The following VPS13C variants were observed in gnomAD, a reference collection of about 807,000 sequenced individuals.
VPS13C encodes intermembrane lipid transfer protein VPS13C.
In VPS13C, 358 loss-of-function variants were observed where a neutral mutation model predicts 456.8. The ratio of observed to expected loss-of-function variants is 0.78; its 90% CI spans 0.72 to 0.86. The LOEUF is 0.86. Among genes scored for constraint, VPS13C ranks in the 40% least tolerant of loss-of-function variants. The probability of loss-of-function intolerance (pLI) is 0.00; values close to 1 mark genes in which losing one functional copy is unlikely to be tolerated. For synonymous variants in VPS13C, 1,578 were observed against 1,486.7 expected, an observed-to-expected ratio of 1.06 and a Z score of -1.41; for missense variants, 4,818 against 4,385.4, an observed-to-expected ratio of 1.10 and a Z score of -2.79.
intron 66 of VPS13C, among the ~76,000 whole-genome samples, chr15:61,894,357 G>A (rs2042741082): frequency 6.6e-6 from 1 of 150,658 alleles, no homozygotes; most frequent in African/African-American, 2.4e-5. Context: ...GTAACAAAAT[G>A]GCAGTAGTAA....
At chr15:61,886,795 A>G (rs1896305818) in intron 67 of VPS13C, among the ~76,000 whole-genome samples, 2 of 152,196 alleles carry the variant, frequency 1.3e-5, no homozygotes, top group African/African-American at 4.8e-5. Context: ...TGTCCTAACT[A>G]TAAAATGTAT....
Position 62,000,644 on chromosome 15 carries a change from A to G in VPS13C, c.1291-18T>C. ...TCCAAGTCCTGTAAAAAACAGAGGC[A>G]CTTATAAACAAGAAATTTAATCATT... On this transcript the variant is annotated intron_variant, in intron 15 of 84. Transcript: ENST00000644861. The G allele has an allele frequency of 6.3e-7, 1 of 1,579,230 alleles. No homozygotes were observed. Among genetic ancestry groups the G allele is most frequent in the East Asian group, 2.3e-5 (1 of 43,900 alleles).
intron 24 of VPS13C, among the ~76,000 whole-genome samples, chr15:61,976,132 A>G (rs879800220): frequency 1.3e-5 from 2 of 152,054 alleles, no homozygotes; most frequent in Non-Finnish European, 2.9e-5. Context: ...TGACTCTCAA[A>G]AAGTTTCAAA....
At chr15:61,912,888 C>T (rs1241532261) in intron 62 of VPS13C, among the ~76,000 whole-genome samples, 1 of 148,298 alleles carries the variant, frequency 6.7e-6, no homozygotes, top group East Asian at 2.0e-4. Flanking sequence ...TGAGAACATG[C>T]GGTGTTTGGT....
chr15:61,970,832 C>T (rs1032721725), intron 27 of VPS13C, among the ~76,000 whole-genome samples: 16 of 93,628 alleles, frequency 1.7e-4, no homozygotes, highest in African/African-American at 6.5e-4. Context: ...AATAAGATGA[C>T]AATTGAACAA....
intron 63 of VPS13C, 148 bp from the exon 64 acceptor site, chr15:61,910,453 A>G (rs1196632927): frequency 7.9e-6 from 4 of 507,128 alleles, no homozygotes; most frequent in Non-Finnish European, 1.1e-5. Context: ...TCTCATAGTA[A>G]GATTACTGAC....
chr15:62,000,226 C>T (rs530706710), intron 16 of VPS13C, among the ~76,000 whole-genome samples: 3 of 151,936 alleles, frequency 2.0e-5, no homozygotes, highest in Non-Finnish European at 4.4e-5. Flanking sequence ...ATTAGCCGGG[C>T]GTGGTGGCAC....
intron 82 of VPS13C, among the ~76,000 whole-genome samples, chr15:61,859,837 T>G (rs1894128453): frequency 6.9e-6 from 1 of 144,518 alleles, no homozygotes; most frequent in African/African-American, 2.6e-5. Context: ...ATGTTGATGG[T>G]TTTTTTTTTT....
chr15:61,970,713 A>G (rs1469567217), intron 27 of VPS13C, among the ~76,000 whole-genome samples: 1 of 152,122 alleles, frequency 6.6e-6, no homozygotes, highest in Non-Finnish European at 1.5e-5. Context: ...ATTCTGTTAT[A>G]GTAACAGAAA....
chr15:61,937,121 T>C (rs896365955), intron 47 of VPS13C, among the ~76,000 whole-genome samples: 1 of 152,018 alleles, frequency 6.6e-6, no homozygotes, highest in Non-Finnish European at 1.5e-5. Context: ...TTTACTCTCC[T>C]TGAAACTAAA....
At chr15:62,032,570 T>C (rs1200084565) in intron 5 of VPS13C, among the ~76,000 whole-genome samples, 2 of 151,762 alleles carry the variant, frequency 1.3e-5, no homozygotes, top group Non-Finnish European at 3.0e-5. Flanking sequence ...GAACAACCTA[T>C]TTAAAAAAGA....
intron 1 of VPS13C, among the ~76,000 whole-genome samples, chr15:62,051,612 A>T (rs910550734): frequency 6.6e-6 from 1 of 152,206 alleles, no homozygotes; most frequent in Admixed American, 6.5e-5. Context: ...AAATGCCATA[A>T]AAGAATCAGA....
chr15:61,915,413 A>G (rs1205848769), intron 61 of VPS13C, among the ~76,000 whole-genome samples: 2 of 152,182 alleles, frequency 1.3e-5, no homozygotes, highest in African/African-American at 2.4e-5. Flanking sequence ...TCAAGAACAG[A>G]GGTAACTCTA....
intron 27 of VPS13C, among the ~76,000 whole-genome samples, chr15:61,970,900 G>T (rs186882995): frequency 6.7e-6 from 1 of 149,366 alleles, no homozygotes; most frequent in African/African-American, 2.5e-5. Context: ...TGCAGGAAAA[G>T]AGTGTTCCAG....
chr15:61,947,950 C>T (rs2044662019), intron 42 of VPS13C, among the ~76,000 whole-genome samples: 1 of 152,114 alleles, frequency 6.6e-6, no homozygotes, highest in South Asian at 2.1e-4. Context: ...CGCCCTAAAT[C>T]CACTTTAGTC....
chr15:62,056,339 C>T (rs1031443803), intron 1 of VPS13C, among the ~76,000 whole-genome samples: 1 of 152,144 alleles, frequency 6.6e-6, no homozygotes, highest in South Asian at 2.1e-4. Flanking sequence ...ACAATCATAA[C>T]CTAGGAAAAA....
At chr15:61,947,584 A>AT in intron 42 of VPS13C, among the ~76,000 whole-genome samples, 1 of 92,198 alleles carries the variant, frequency 1.1e-5, no homozygotes, top group East Asian at 4.7e-4. Context: ...CTTTACTACA[A>AT]CTTTTTTTCT....
Position 61,961,712 on chromosome 15 carries a change from A to G in VPS13C, c.3785T>C (p.Val1262Ala). 1 of 1,614,040 alleles carries G rather than the reference A, an allele frequency of 6.2e-7. No homozygotes were observed. Reference sequence around the variant, plus strand: ...TCTGATTAACCCAAGATCTACCACTACTGCATTGGTGGAAATAGAAGACTG... The same window carrying G: ...TCTGATTAACCCAAGATCTACCACTGCTGCATTGGTGGAAATAGAAGACTG... ...IPQSSISTNAVVVDLGLIRVH... is the reference protein window; with the variant it reads ...IPQSSISTNAAVVDLGLIRVH... Residue 1262 changes from valine to alanine, a missense_variant, in exon 35 of 85, where the codon GTA becomes GCA. Physicochemically the swap from Val to Ala is moderately conservative, Grantham distance 64 (BLOSUM62 0). Transcript: ENST00000644861.
chr15:61,877,587 A>G (rs1895542844), intron 74 of VPS13C, among the ~76,000 whole-genome samples: 1 of 151,686 alleles, frequency 6.6e-6, no homozygotes, highest in Non-Finnish European at 1.5e-5. Flanking sequence ...GTTGAACTTC[A>G]AGGTTAGATT....
Sources: gnomAD v4.1 joint callset for allele counts (sites outside exome capture counted in the v4.1 genomes callset) on GRCh38, gnomAD v4.1.1 for gene constraint, MANE v1.5 for transcripts, NCBI Gene and HGNC (gene_info 2026-07-23, HGNC 2026-07-21) for gene names.